Variants in ADGB observed in about 807,000 individuals in gnomAD.
The protein encoded by ADGB is androglobin, also known as calpain-7-like protein.
Under a neutral mutation model 210.5 loss-of-function variants are expected in ADGB, and 172 were observed. The observed-to-expected ratio is 0.82, with a 90% CI of 0.72 to 0.93. The LOEUF is 0.93. Ranked by LOEUF, ADGB falls within the 40% of genes least tolerant of loss-of-function variation. The pLI is 0.00. For missense variants in ADGB, 2,025 were observed against 1,964.8 expected (o/e 1.03, Z -0.58); for synonymous variants, 658 against 662.7 (o/e 0.99, Z 0.11).
intron 12 of ADGB, among the ~76,000 whole-genome samples, chr6:146,698,758 T>C (rs1776445713): frequency 6.6e-6 from 1 of 152,162 alleles, no homozygotes; most frequent in African/African-American, 2.4e-5. Context: ...TTGTTTTGTT[T>C]TGTTTTTTGA....
intron 3 of ADGB, among the ~76,000 whole-genome samples, chr6:146,651,822 G>A (rs1775707259): frequency 6.6e-6 from 1 of 152,044 alleles, no homozygotes; most frequent in Non-Finnish European, 1.5e-5. Flanking sequence ...GGGAAACTAA[G>A]TTTTACAGTA....
intron 33 of ADGB, among the ~76,000 whole-genome samples, chr6:146,789,134 C>G (rs1777920663): frequency 6.6e-6 from 1 of 152,194 alleles, no homozygotes; most frequent in Non-Finnish European, 1.5e-5. Context: ...AAATGCCTTT[C>G]CACACTCCTG....
chr6:146,750,966 A>T (rs904131180), intron 26 of ADGB, among the ~76,000 whole-genome samples: 1 of 152,010 alleles, frequency 6.6e-6, no homozygotes, highest in African/African-American at 2.4e-5. Flanking sequence ...CAAGTTTTAT[A>T]TTTGTTTATT....
chr6:146,707,764 T>C (rs1416884618), intron 13 of ADGB, among the ~76,000 whole-genome samples: 1 of 152,072 alleles, frequency 6.6e-6, no homozygotes, highest in Non-Finnish European at 1.5e-5. Flanking sequence ...AGTATATAGT[T>C]GAGTCTTTGT....
intron 13 of ADGB, among the ~76,000 whole-genome samples, chr6:146,713,624 C>G (rs1776689336): frequency 1.3e-5 from 2 of 151,898 alleles, no homozygotes; most frequent in South Asian, 4.1e-4. Context: ...TTTAGAAATT[C>G]TATATATATT....
chr6:146,677,911 T>C (rs1776106172), intron 9 of ADGB, among the ~76,000 whole-genome samples: 1 of 152,186 alleles, frequency 6.6e-6, no homozygotes, highest in Non-Finnish European at 1.5e-5. Flanking sequence ...TTAGCACTTG[T>C]TGGTAGAGCT....
intron 33 of ADGB, among the ~76,000 whole-genome samples, chr6:146,798,040 GAC>G (rs1778072304): frequency 6.6e-6 from 1 of 150,602 alleles, no homozygotes; most frequent in East Asian, 1.9e-4. Flanking sequence ...ATTTTAATGA[GAC>G]AGAAAACAAA....
intron 7 of ADGB, among the ~76,000 whole-genome samples, chr6:146,670,296 A>G (rs149628598): frequency 1.7e-5 from 2 of 115,132 alleles, no homozygotes; most frequent in African/African-American, 6.7e-5. Flanking sequence ...CTTGACCATG[A>G]TCCTCAGAGA....
intron 3 of ADGB, among the ~76,000 whole-genome samples, chr6:146,650,162 A>T (rs1775679944): frequency 6.6e-6 from 1 of 152,166 alleles, no homozygotes. Context: ...TGTGGACCAA[A>T]ATTTTGGGTA....
intron 25 of ADGB, among the ~76,000 whole-genome samples, chr6:146,743,897 A>G (rs975448781): frequency 2.0e-5 from 3 of 149,572 alleles, no homozygotes; most frequent in Admixed American, 2.0e-4. Flanking sequence ...CTGGGTGACA[A>G]GAGCGAAACT....
At chr6:146,764,423 G>A (rs1304179228) in intron 28 of ADGB, among the ~76,000 whole-genome samples, 1 of 151,956 alleles carries the variant, frequency 6.6e-6, no homozygotes, top group Non-Finnish European at 1.5e-5. Context: ...ATTAATAAAT[G>A]TCACATATTA....
intron 5 of ADGB, among the ~76,000 whole-genome samples, chr6:146,661,977 C>A (rs1048871855): frequency 5.3e-5 from 8 of 152,110 alleles, no homozygotes; most frequent in Non-Finnish European, 5.9e-5. Flanking sequence ...CAGAATTATT[C>A]TTCTGGCCTC....
chr6:146,793,167 A>T (rs1042535712), intron 33 of ADGB, among the ~76,000 whole-genome samples: 1 of 151,714 alleles, frequency 6.6e-6, no homozygotes, highest in African/African-American at 2.4e-5. Flanking sequence ...CTACTTTTAG[A>T]CTCCTGATGA....
In ADGB at chr6:146,741,178, A is replaced by G. The variant is rs761846068; in HGVS notation, c.3084A>G (p.Pro1028=). 1.3e-5 allele frequency: 20 copies of G among 1,550,538 alleles called. No individual in the cohort carries two copies. The highest frequency in any genetic ancestry group is 1.7e-4 in the Middle Eastern group (1 of 5,950). Reference sequence around the variant, plus strand: ...TTCCCAAAGTATATACTACACTTCCAATCTGTATCCTACACATTGTTAATA... The same window carrying G: ...TTCCCAAAGTATATACTACACTTCCGATCTGTATCCTACACATTGTTAATA... ...ILVPKVYTTL[P]ICILHIVNND... is the part of the protein sequence containing the mutation. The change falls in exon 25 of 36, where the codon CCA becomes CCG. Residue 1028 remains proline, a synonymous_variant. Coordinates refer to ENST00000397944, the MANE Select transcript of ADGB (RefSeq NM_024694.4).
intron 5 of ADGB, among the ~76,000 whole-genome samples, chr6:146,657,764 T>A (rs1775805525): frequency 6.6e-6 from 1 of 152,238 alleles, no homozygotes; most frequent in Non-Finnish European, 1.5e-5. Context: ...CCTGATCCCA[T>A]CAGTTCTTGG....
rs769603157 is a variant in ADGB at position 146,740,500 on chromosome 6, C to A, written c.2930C>A (p.Pro977Gln). Reference sequence around the variant, plus strand: ...AAGTGCAAGTCTTTGGAATCTTATCCATGCTATCAAGATGAAGAAACTAAG... The same window carrying A: ...AAGTGCAAGTCTTTGGAATCTTATCAATGCTATCAAGATGAAGAAACTAAG... ...KSKCKSLESY[P>Q]CYQDEETKIA... is the part of the protein sequence containing the mutation. Residue 977 changes from proline (P) to glutamine (Q), a missense_variant, in exon 24 of 36, where the codon CCA (proline) becomes CAA (glutamine). Physicochemically the swap from Pro to Gln is moderately conservative, Grantham distance 76. Transcript: ENST00000397944. 1.4e-4 allele frequency: 214 copies of A among 1,547,576 alleles called. No homozygotes were observed. The highest frequency in any genetic ancestry group is 1.9e-4 in the Non-Finnish European group (212 of 1,144,360).
At chr6:146,808,746 G>A (rs1369697923) in intron 35 of ADGB, among the ~76,000 whole-genome samples, 1 of 152,130 alleles carries the variant, frequency 6.6e-6, no homozygotes, top group Non-Finnish European at 1.5e-5. Flanking sequence ...AGGCTGGGAT[G>A]CAGTGGCACA....
intron 24 of ADGB, 77 bp downstream of exon 24, chr6:146,740,670 G>A (rs1367644661): frequency 2.1e-6 from 3 of 1,432,598 alleles, no homozygotes; most frequent in Non-Finnish European, 1.9e-6. Flanking sequence ...TCTGATAGTA[G>A]TAAAGGTATT....
In ADGB at chr6:146,724,168, T is replaced by C; in HGVS notation, c.2096-18T>C. 6.5e-7 allele frequency: 1 copy of C among 1,540,298 alleles called. No individual in the cohort carries two copies. Among genetic ancestry groups the C allele is most frequent in the Non-Finnish European group, 8.7e-7 (1 of 1,143,410 alleles). ...ACTTTCATGATCAAACTTTAATACC[T>C]TTTTACTTATCTTAAAGCCTTAACA... is the stretch of plus-strand genomic sequence containing the variant. On this transcript the variant is annotated intron_variant, in intron 17 of 35. Transcript: ENST00000397944.
Sources: gnomAD v4.1 joint callset for allele counts (sites outside exome capture counted in the v4.1 genomes callset) on GRCh38, gnomAD v4.1.1 for gene constraint, MANE v1.5 for transcripts, NCBI Gene and HGNC (gene_info 2026-07-23, HGNC 2026-07-21) for gene names.